Variants in SOX6 observed in about 807,000 individuals in gnomAD.
SOX6 encodes the protein transcription factor SOX-6.
SOX6 carries 11 observed loss-of-function variants against 97.8 expected under a neutral mutation model. The ratio of observed to expected loss-of-function variants is 0.11; its 90% CI spans 0.07 to 0.19. The LOEUF (loss-of-function observed/expected upper bound fraction) is 0.19. SOX6 is among the 10% of genes least tolerant of loss of function. The pLI, the probability that SOX6 is intolerant of heterozygous loss-of-function variation, is 1.00. For synonymous variants in SOX6, 360 were observed against 371.4 expected, an observed-to-expected ratio of 0.97 and a Z score of 0.35; for missense variants, 810 against 1,039.5, an observed-to-expected ratio of 0.78 and a Z score of 3.04.
rs546776321 is a variant in SOX6 at position 16,613,469 on chromosome 11, C to T, written n.430-1209G>A. 1.1e-4 allele frequency among the ~76,000 whole-genome samples: 16 copies of T among 152,290 alleles called. No individual in the cohort carries two copies. Among genetic ancestry groups the T allele is most frequent in the Admixed American group, 3.9e-4 (6 of 15,306 alleles). On this transcript the variant is annotated intron_variant and non_coding_transcript_variant, in intron 3 of 5. Transcript: ENST00000524520. This position sits in a 1 kb window ranked among gnomAD's most constrained non-coding sequence, Gnocchi z 4.6. The stretch of plus-strand genomic sequence containing the variant: ...CAGTTGCGCACTCTGAGACATCTCT[C>T]GGTGCAGAGTGGTTCCGAAGCCCCA...
At chr11:16,595,598 T>G in intron 4 of SOX6, among the ~76,000 whole-genome samples, 1 of 95,646 alleles carries the variant, frequency 1.0e-5, no homozygotes, top group African/African-American at 4.3e-5. Flanking sequence ...AGATACCACC[T>G]CTACCAAAAA....
chr11:16,562,987 C>A (rs997098523), intron 4 of SOX6, among the ~76,000 whole-genome samples: 3 of 151,884 alleles, frequency 2.0e-5, no homozygotes, highest in Non-Finnish European at 2.9e-5. Flanking sequence ...ACAAAAGAAC[C>A]AGAGTGTCAT....
At chr11:16,400,247 G>A (rs1310020805) in intron 1 of SOX6, among the ~76,000 whole-genome samples, 1 of 151,388 alleles carries the variant, frequency 6.6e-6, no homozygotes, top group African/African-American at 2.4e-5. Context: ...TATTGAAAAA[G>A]TTTCTGGAAA....
At chr11:16,259,129 A>G (rs539232168) in intron 3 of SOX6, among the ~76,000 whole-genome samples, 2 of 151,964 alleles carry the variant, frequency 1.3e-5, no homozygotes, top group African/African-American at 2.4e-5. Context: ...ATTTAGCAAG[A>G]TCATTGGATA....
chr11:16,315,527 ACTTCTGTC>A (rs1486094579), intron 3 of SOX6: 1 of 152,168 alleles, frequency 6.6e-6, no homozygotes, highest in Non-Finnish European at 1.5e-5. Context: ...AAAAGATCAA[ACTTCTGTC>A]CTCTACAACA....
chr11:16,710,775 G>T (rs969654386), intron 3 of SOX6, among the ~76,000 whole-genome samples: 2 of 152,038 alleles, frequency 1.3e-5, no homozygotes, highest in East Asian at 3.9e-4. Context: ...ACTTAGCCAC[G>T]ACTTTTGTGA....
intron 3 of SOX6, among the ~76,000 whole-genome samples, chr11:16,258,903 T>C (rs1242983122): frequency 1.3e-5 from 2 of 151,562 alleles, no homozygotes; most frequent in Non-Finnish European, 2.9e-5. Context: ...CATATATACA[T>C]ATATACACAC....
chr11:16,418,442 C>T (rs192740088), intron 1 of SOX6, among the ~76,000 whole-genome samples: 64 of 152,200 alleles, frequency 4.2e-4, no homozygotes, highest in African/African-American at 1.3e-3. Context: ...CTACAGGGAA[C>T]TGTCAACTTG....
intron 3 of SOX6, among the ~76,000 whole-genome samples, chr11:16,278,215 T>A (rs878906386): frequency 1.1e-4 from 17 of 152,156 alleles, no homozygotes; most frequent in African/African-American, 3.6e-4. Context: ...AACGTTTTTT[T>A]AATTTTTAAA....
chr11:16,663,860 T>C (rs922642955), intron 3 of SOX6, among the ~76,000 whole-genome samples: 2 of 152,234 alleles, frequency 1.3e-5, no homozygotes, highest in African/African-American at 4.8e-5. Flanking sequence ...ATACTTACTT[T>C]AAAGCCTTTA....
intron 3 of SOX6, among the ~76,000 whole-genome samples, chr11:16,710,544 G>C (rs1023168289): frequency 1.2e-4 from 18 of 151,980 alleles, no homozygotes; most frequent in African/African-American, 4.1e-4. Flanking sequence ...AGTTCTCTTG[G>C]CCTCCAAATA....
At chr11:16,489,491 A>T (rs902933418) in intron 4 of SOX6, among the ~76,000 whole-genome samples, 1 of 152,174 alleles carries the variant, frequency 6.6e-6, no homozygotes, top group Non-Finnish European at 1.5e-5. Flanking sequence ...TATGGTATGT[A>T]TCTACTGTAT....
chr11:16,486,075 C>T (rs67891751), intron 4 of SOX6, among the ~76,000 whole-genome samples: 5,830 of 114,774 alleles, frequency 0.051, 684 homozygotes, highest in Non-Finnish European at 0.051. Context: ...TCATTATGAA[C>T]CAAGATCAAA....
Position 16,604,929 on chromosome 11 carries a change from C to G in SOX6, n.609+7152G>C, listed in dbSNP as rs907500096. ...TCTGCGGAGCGCCGGGGAAGCAGCC[C>G]GGCACCGAGCTAATCTGCCCTCAGC... On this transcript the variant is annotated intron_variant and non_coding_transcript_variant, in intron 4 of 5. Transcript: ENST00000524520. 1.2e-4 allele frequency among the ~76,000 whole-genome samples: 19 copies of G among 152,294 alleles called. No homozygotes were observed. In the South Asian group the frequency reaches 3.7e-3, roughly 30 times the overall value.
Position 16,610,931 on chromosome 11 carries a change from A to T in SOX6, n.609+1150T>A, listed in dbSNP as rs1369240107. 6.6e-6 allele frequency among the ~76,000 whole-genome samples: 1 copy of T among 152,190 alleles called. No individual in the cohort carries two copies. Among genetic ancestry groups the T allele is most frequent in the African/African-American group, 2.4e-5 (1 of 41,452 alleles). ...ACGGTGGCCAGATCCAGGAACTCAT[A>T]AGCTCACATCCCCTGGGGGTTGGAG... On this transcript the variant is annotated intron_variant and non_coding_transcript_variant, in intron 4 of 5. Transcript: ENST00000524520. This position sits in a 1 kb window ranked among gnomAD's most constrained non-coding sequence, Gnocchi z 4.4.
At chr11:16,324,124 C>T (rs1348005672) in intron 2 of SOX6, among the ~76,000 whole-genome samples, 1 of 152,044 alleles carries the variant, frequency 6.6e-6, no homozygotes, top group Non-Finnish European at 1.5e-5. Flanking sequence ...GTCCAGGCCA[C>T]AGTAAGCCAT....
intron 6 of SOX6, among the ~76,000 whole-genome samples, chr11:16,175,284 A>G (rs2134089853): frequency 6.6e-6 from 1 of 152,022 alleles, no homozygotes; most frequent in African/African-American, 2.4e-5. Context: ...CAAAAACAAC[A>G]ATGATAGTGG....
chr11:16,252,664 C>A (rs1053726293), intron 3 of SOX6: 1 of 152,158 alleles, frequency 6.6e-6, no homozygotes, highest in Non-Finnish European at 1.5e-5. Flanking sequence ...TTTAACAAGT[C>A]CTGCCTTCAG....
intron 2 of SOX6, among the ~76,000 whole-genome samples, chr11:16,325,053 CAATAA>C (rs1158599650): frequency 6.6e-5 from 10 of 152,046 alleles, no homozygotes; most frequent in Admixed American, 4.6e-4. Context: ...CCATAGTACA[CAATAA>C]AATGTTAATG....
Sources: gnomAD v4.1 joint callset for allele counts (sites outside exome capture counted in the v4.1 genomes callset) on GRCh38, gnomAD v4.1.1 for gene constraint, Gnocchi (gnomAD v3.1) non-coding constraint, MANE v1.5 for transcripts, NCBI Gene and HGNC (gene_info 2026-07-23, HGNC 2026-07-21) for gene names.